PCDHA12: variants seen among roughly 807,000 people sequenced by gnomAD.
PCDHA12 encodes the protein protocadherin alpha-12.
In PCDHA12, 44 loss-of-function variants were observed where a neutral mutation model predicts 60.0. That is an observed-to-expected ratio of 0.73 (90% CI 0.58 to 0.94). The LOEUF (loss-of-function observed/expected upper bound fraction) is 0.94. PCDHA12 is among the 40% of genes least tolerant of loss of function. The pLI, the probability that PCDHA12 is intolerant of heterozygous loss-of-function variation, is 0.00. For synonymous variants in PCDHA12, 569 were observed against 553.0 expected (o/e 1.03, Z -0.40); for missense variants, 1,276 against 1,239.7 (o/e 1.03, Z -0.44).
In PCDHA12 at chr5:140,875,548, G is replaced by A. The variant is rs782463775; in HGVS notation, c.76G>A (p.Val26Met). Residue 26 changes from valine (V) to methionine (M), a missense_variant, in exon 1 of 4, where the codon GTG becomes ATG. By Grantham distance (21) the Val-to-Met change is conservative. Coordinates refer to ENST00000398631, the MANE Select transcript of PCDHA12 (RefSeq NM_018903.4). ...LSLLLLAAWE[V>M]GSGQLHYSVY... ...GCTTCTGCTCCTTGCAGCCTGGGAG[G>A]TGGGGAGCGGCCAGCTCCACTACTC... 24 of 1,614,054 alleles carry A rather than the reference G, an allele frequency of 1.5e-5. 1 individual carries two copies. The Admixed American group carries it at 3.5e-4, about 24-fold the overall frequency.
chr5:140,969,450 G>GTA (rs782343162), intron 1 of PCDHA12: 4 of 1,511,552 alleles, frequency 2.6e-6, no homozygotes, highest in Non-Finnish European at 3.6e-6. Flanking sequence ...GGTAAACTGA[G>GTA]TATATATAGT....
chr5:140,971,392 T>C (rs1399891976), intron 1 of PCDHA12, among the ~76,000 whole-genome samples: 1 of 152,154 alleles, frequency 6.6e-6, no homozygotes, highest in East Asian at 1.9e-4. Flanking sequence ...TAAAGGCAAA[T>C]TTCTGCCAGG....
intron 2 of PCDHA12, among the ~76,000 whole-genome samples, chr5:140,980,141 T>C (rs1241352797): frequency 1.3e-5 from 2 of 152,164 alleles, no homozygotes; most frequent in Non-Finnish European, 2.9e-5. Context: ...CCAGAAACAT[T>C]CATGCATATA....
At chr5:140,903,347 A>C (rs1393300562) in intron 1 of PCDHA12, among the ~76,000 whole-genome samples, 2 of 152,228 alleles carry the variant, frequency 1.3e-5, no homozygotes, top group Non-Finnish European at 2.9e-5. Context: ...GCATTTTAAA[A>C]AACAAGTTTT....
In PCDHA12 at chr5:140,944,191, G is replaced by T. The variant is rs181232402; in HGVS notation, c.2368-34758G>T. The stretch of plus-strand genomic sequence containing the variant: ...GGCTGGTTTTTTGTTGGTTTGTTTT[G>T]TTTTGTTTTGTTTTTAAAGAGGGTT... On this transcript the variant is annotated intron_variant, in intron 1 of 3. Coordinates refer to ENST00000398631, the MANE Select transcript of PCDHA12 (RefSeq NM_018903.4). 9.2e-5 allele frequency among the ~76,000 whole-genome samples: 14 copies of T among 152,098 alleles called. No individual in the cohort carries two copies. The East Asian group carries it at 2.5e-3, about 27-fold the overall frequency.
Position 141,010,339 on chromosome 5 carries a change from A to G in PCDHA12, c.*402A>G. 2 of 1,534,058 alleles carry G rather than the reference A, an allele frequency of 1.3e-6. No homozygotes were observed. Among genetic ancestry groups the G allele is most frequent in the East Asian group, 4.9e-5 (2 of 40,762 alleles). On this transcript the variant is annotated 3_prime_UTR_variant, in exon 4 of 4. Transcript: ENST00000398631. ...TTGAGCAGCTTGGGAGTTTGTGGCC[A>G]CTGGGTATGTGTGGCTACCGCGGGT...
At chr5:140,948,942 T>TA (rs34363674) in intron 1 of PCDHA12, among the ~76,000 whole-genome samples, 48,005 of 151,444 alleles carry the variant, frequency 0.32, 7,947 homozygotes, top group East Asian at 0.53. Flanking sequence ...TCTTCTAATA[T>TA]AAAAAAATTA....
chr5:140,922,722 T>C (rs2153565730), intron 1 of PCDHA12, among the ~76,000 whole-genome samples: 1 of 151,972 alleles, frequency 6.6e-6, no homozygotes, highest in Non-Finnish European at 1.5e-5. Context: ...AAAGAAACAC[T>C]TGACAAGGTT....
chr5:140,898,644 T>C (rs2066890005), intron 1 of PCDHA12, among the ~76,000 whole-genome samples: 2 of 152,226 alleles, frequency 1.3e-5, no homozygotes, highest in Admixed American at 1.3e-4. Context: ...GCTTTGTTCT[T>C]TTGGCTTAGG....
intron 1 of PCDHA12, chr5:140,968,910 T>G (rs782307931): frequency 1.9e-6 from 3 of 1,613,974 alleles, no homozygotes; most frequent in Non-Finnish European, 2.5e-6. Flanking sequence ...TTAAGCACAG[T>G]GTCTTTTATA....
At chr5:140,996,503 G>A (rs1306027159) in intron 3 of PCDHA12, among the ~76,000 whole-genome samples, 1 of 152,120 alleles carries the variant, frequency 6.6e-6, no homozygotes, top group African/African-American at 2.4e-5. Context: ...TGGCTTCTTG[G>A]GGCCCAGCAT....
At chr5:140,996,699 C>T (rs1462785057) in intron 3 of PCDHA12, among the ~76,000 whole-genome samples, 3 of 152,146 alleles carry the variant, frequency 2.0e-5, no homozygotes, top group Non-Finnish European at 2.9e-5. Flanking sequence ...TTCTGAACCT[C>T]TATCTCTTTG....
intron 1 of PCDHA12, chr5:140,882,538 C>A: frequency 6.2e-7 from 1 of 1,614,170 alleles, no homozygotes; most frequent in Non-Finnish European, 8.5e-7. Context: ...ATTCTCGGAT[C>A]GACCGCGAGG....
chr5:140,885,138 T>C (rs1582817960), intron 1 of PCDHA12, among the ~76,000 whole-genome samples: 1 of 152,206 alleles, frequency 6.6e-6, no homozygotes, highest in Admixed American at 6.5e-5. Context: ...TTTCTTTTTT[T>C]AAACTGTTTT....
intron 3 of PCDHA12, among the ~76,000 whole-genome samples, chr5:140,998,401 CA>C (rs2097811473): frequency 6.6e-6 from 1 of 152,108 alleles, no homozygotes; most frequent in African/African-American, 2.4e-5. Context: ...ATCTTTATGC[CA>C]AAGTTTATCT....
rs200253752 is a variant in PCDHA12, at chr5:140,890,259, T to TA, written c.2367+12420_2367+12421insA. ...TTTACCAGTACACTACTGCACCTGA[T>TA]TGCAAGCAAGAACCACTCAGTTGAG... On this transcript the variant is annotated intron_variant, in intron 1 of 3. Coordinates refer to ENST00000398631, the MANE Select transcript of PCDHA12 (RefSeq NM_018903.4). Among the ~76,000 whole-genome samples the TA allele has an allele frequency of 8.0e-3, 1,219 of 152,258 alleles. 6 individuals carry two copies. Among genetic ancestry groups the TA allele is most frequent in the African/African-American group, 0.019 (787 of 41,546 alleles).
At chr5:140,967,051 G>A in intron 1 of PCDHA12, 1 of 1,612,562 alleles carries the variant, frequency 6.2e-7, no homozygotes, top group Non-Finnish European at 8.5e-7. Context: ...TGGACCTGAC[G>A]AGTGGAGCGC....
chr5:140,941,211 CTTCCTTTCTTTCTTT>C (rs1563185551), intron 1 of PCDHA12, among the ~76,000 whole-genome samples: 1,583 of 129,706 alleles, frequency 0.012, 22 homozygotes, highest in African/African-American at 0.029. Flanking sequence ...TCCTTTCTTT[CTTCCTTTCTTTCTTT>C]CTTTCTTTCT....
In PCDHA12 at chr5:140,876,391, G is replaced by T; in HGVS notation, c.919G>T (p.Glu307Ter). 1 of 1,613,920 alleles carries T rather than the reference G, an allele frequency of 6.2e-7. No homozygotes were observed. Among genetic ancestry groups the T allele is most frequent in the South Asian group, 1.1e-5 (1 of 91,084 alleles). The change falls in exon 1 of 4, where the codon GAA becomes TAA. Residue 307 changes from glutamate to a stop codon, truncating the protein, a stop_gained. Transcript: ENST00000398631. LOFTEE classifies it high-confidence loss of function. ...CACAGGTGAAATTAGAATTTATGGT[G>T]AACTGGATTTTGAAGAGAATAATGC... Reference protein sequence around the residue: ...PDTGEIRIYGELDFEENNAYE... With the variant: ...PDTGEIRIYG
Sources: gnomAD v4.1 joint callset for allele counts (sites outside exome capture counted in the v4.1 genomes callset) on GRCh38, gnomAD v4.1.1 for gene constraint, MANE v1.5 for transcripts, NCBI Gene and HGNC (gene_info 2026-07-23, HGNC 2026-07-21) for gene names.